Variants in CTNND2 observed in about 807,000 individuals in gnomAD.
CTNND2 encodes the protein catenin delta-2.
CTNND2 carries 22 observed loss-of-function variants against 144.4 expected under a neutral mutation model. The observed-to-expected ratio is 0.15, with a 90% CI of 0.11 to 0.22. CTNND2 has a LOEUF of 0.22. Ranked by LOEUF, CTNND2 falls within the 10% of genes least tolerant of loss-of-function variation. The pLI is 1.00. For synonymous variants in CTNND2, 751 were observed against 695.6 expected (o/e 1.08, Z -1.25); for missense variants, 1,353 against 1,618.8 (o/e 0.84, Z 2.82).
At chr5:10,996,549 A>G (rs1209737413) in intron 18 of CTNND2, among the ~76,000 whole-genome samples, 1 of 152,044 alleles carries the variant, frequency 6.6e-6, no homozygotes, top group Non-Finnish European at 1.5e-5. Context: ...GGCCGACAGG[A>G]GATGAGCAGA....
chr5:11,383,893 C>T (rs890023634), intron 7 of CTNND2, among the ~76,000 whole-genome samples: 7 of 152,192 alleles, frequency 4.6e-5, no homozygotes, highest in African/African-American at 1.7e-4. Flanking sequence ...GAGGCACCAG[C>T]GCAGCCTGGT....
At chr5:11,237,826 T>C (rs1255066480) in intron 9 of CTNND2, among the ~76,000 whole-genome samples, 1 of 152,222 alleles carries the variant, frequency 6.6e-6, no homozygotes, top group Non-Finnish European at 1.5e-5. Context: ...TCATTATTAT[T>C]TTTATTACTG....
intron 16 of CTNND2, among the ~76,000 whole-genome samples, chr5:11,030,754 G>GTTTTTTTTTTTTTTTTTTTTTTTGT (rs61312361): frequency 2.0e-5 from 2 of 100,768 alleles, no homozygotes; most frequent in African/African-American, 4.3e-5. Flanking sequence ...TATGGTTTCT[G>GTTTTTTTTTTTTTTTTTTTTTTTGT]TTTTTTTTTT....
At chr5:11,114,563 C>T (rs11954771) in intron 13 of CTNND2, among the ~76,000 whole-genome samples, 21,679 of 152,036 alleles carry the variant, frequency 0.14, 2,440 homozygotes, top group East Asian at 0.45. Flanking sequence ...GGGTGGCAGC[C>T]GGTAGCTTTG....
intron 10 of CTNND2, among the ~76,000 whole-genome samples, chr5:11,211,586 G>A (rs552038815): frequency 6.6e-6 from 1 of 152,344 alleles, no homozygotes; most frequent in South Asian, 2.1e-4. Context: ...TAATAAATGA[G>A]TGTGTTGATA....
rs149827512 is a variant in CTNND2 at position 11,534,429 on chromosome 5, A to C, written c.287+30515T>G. Among the ~76,000 whole-genome samples the C allele has an allele frequency of 4.9e-3, 744 of 152,206 alleles. 7 individuals are homozygous for C. The highest frequency in any genetic ancestry group is 0.017 in the African/African-American group (714 of 41,534). On this transcript the variant is annotated intron_variant, in intron 3 of 21. Coordinates refer to ENST00000304623, the MANE Select transcript of CTNND2 (RefSeq NM_001332.4). The stretch of plus-strand genomic sequence containing the variant: ...TCAGGAGTTCGAGACCAGCCTGGCT[A>C]ACATTCCTACCAAAAAGTACAAAAA...
chr5:11,750,271 C>A (rs1343851074), intron 1 of CTNND2, among the ~76,000 whole-genome samples: 1 of 151,920 alleles, frequency 6.6e-6, no homozygotes, highest in Non-Finnish European at 1.5e-5. Context: ...TTAAGATCCC[C>A]TGTATGATTC....
chr5:10,987,133 T>TG (rs1738079627), intron 20 of CTNND2, among the ~76,000 whole-genome samples: 2 of 152,174 alleles, frequency 1.3e-5, no homozygotes, highest in African/African-American at 2.4e-5. Context: ...GGGGTCCCCG[T>TG]TGAAAGGTCC....
chr5:11,768,031 TCCA>T (rs1789697516), intron 1 of CTNND2, among the ~76,000 whole-genome samples: 2 of 152,122 alleles, frequency 1.3e-5, no homozygotes, highest in Admixed American at 1.3e-4. Flanking sequence ...CCACTAATAA[TCCA>T]AAATGGGAGT....
chr5:11,186,076 A>C (rs772183660), intron 11 of CTNND2, among the ~76,000 whole-genome samples: 7 of 152,266 alleles, frequency 4.6e-5, no homozygotes, highest in Non-Finnish European at 7.3e-5. Context: ...CTTTCCTTTA[A>C]GCCTTTATAC....
At chr5:11,465,053 A>G (rs936329268) in intron 3 of CTNND2, among the ~76,000 whole-genome samples, 1 of 151,942 alleles carries the variant, frequency 6.6e-6, no homozygotes, top group African/African-American at 2.4e-5. Flanking sequence ...CTAGCCCAAG[A>G]TTTTCTCTTT....
intron 2 of CTNND2, among the ~76,000 whole-genome samples, chr5:11,592,028 A>T (rs1434379767): frequency 7.0e-6 from 1 of 142,568 alleles, no homozygotes; most frequent in East Asian, 2.1e-4. Flanking sequence ...CTTGTCCTTC[A>T]TAGAGCTTCA....
At chr5:11,612,777 G>A (rs142345274) in intron 2 of CTNND2, among the ~76,000 whole-genome samples, 222 of 152,126 alleles carry the variant, frequency 1.5e-3, no homozygotes, top group Non-Finnish European at 2.3e-3. Context: ...GTGCATGCTC[G>A]TAGTCCCATC....
intron 10 of CTNND2, 97 bp from the exon 11 acceptor site, chr5:11,199,758 A>T (rs532899143): frequency 9.1e-6 from 8 of 877,304 alleles, no homozygotes; most frequent in African/African-American, 1.7e-5. Context: ...CTAACAATTA[A>T]TCGCACCAAA....
Position 10,988,086 on chromosome 5 carries a change from G to A in CTNND2, c.3343+25C>T. The A allele has an allele frequency of 6.2e-7, 1 of 1,613,666 alleles. No homozygotes were observed. The highest frequency in any genetic ancestry group is 2.2e-5 in the East Asian group (1 of 44,836). On this transcript the variant is annotated intron_variant, in intron 20 of 21. Transcript: ENST00000304623. This position sits in a 1 kb window ranked among gnomAD's most constrained non-coding sequence, Gnocchi z 5.9. Reference sequence around the variant, plus strand: ...CGCGGGTCAAGCCACCAAGTTCCAGGAGGGGGCGCGCGAGGGGCGCTCACC... The same window carrying A: ...CGCGGGTCAAGCCACCAAGTTCCAGAAGGGGGCGCGCGAGGGGCGCTCACC...
chr5:11,721,700 C>T (rs116057419), intron 2 of CTNND2, among the ~76,000 whole-genome samples: 51 of 152,288 alleles, frequency 3.3e-4, no homozygotes, highest in African/African-American at 1.2e-3. Flanking sequence ...GTGCTGCATG[C>T]CTGGAGACTG....
intron 9 of CTNND2, among the ~76,000 whole-genome samples, chr5:11,295,608 C>A (rs1337857146): frequency 1.3e-5 from 2 of 152,178 alleles, no homozygotes; most frequent in South Asian, 4.1e-4. Context: ...GTAACCAAAA[C>A]AGCATGGTAC....
intron 13 of CTNND2, among the ~76,000 whole-genome samples, chr5:11,111,739 C>T (rs986938211): frequency 9.2e-5 from 14 of 152,152 alleles, no homozygotes; most frequent in African/African-American, 3.4e-4. Flanking sequence ...ACATGGTGTA[C>T]CCCTCTGTAA....
At chr5:11,304,632 G>A (rs1371326967) in intron 9 of CTNND2, among the ~76,000 whole-genome samples, 1 of 152,144 alleles carries the variant, frequency 6.6e-6, no homozygotes, top group East Asian at 1.9e-4. Flanking sequence ...TTTGTTCCTT[G>A]CAAGAAAGGG....
Sources: gnomAD v4.1 joint callset for allele counts (sites outside exome capture counted in the v4.1 genomes callset) on GRCh38, gnomAD v4.1.1 for gene constraint, Gnocchi (gnomAD v3.1) non-coding constraint, MANE v1.5 for transcripts, NCBI Gene and HGNC (gene_info 2026-07-23, HGNC 2026-07-21) for gene names.